Variants in SPTBN4 observed in about 807,000 individuals in gnomAD.
The protein encoded by SPTBN4 is spectrin beta chain, non-erythrocytic 4.
SPTBN4 carries 96 observed loss-of-function variants against 277.8 expected under a neutral mutation model. The ratio of observed to expected loss-of-function variants is 0.35; its 90% CI spans 0.29 to 0.41. The LOEUF is 0.41. SPTBN4 is among the 10% of genes least tolerant of loss of function. The pLI, the probability that SPTBN4 is intolerant of heterozygous loss-of-function variation, is 1.00. For missense variants in SPTBN4, 3,006 were observed against 3,595.7 expected, an observed-to-expected ratio of 0.84 and a Z score of 4.19; for synonymous variants, 1,481 against 1,580.3, an observed-to-expected ratio of 0.94 and a Z score of 1.49.
At chr19:40,546,307 A>G (rs1263737695) in intron 20 of SPTBN4, among the ~76,000 whole-genome samples, 1 of 151,970 alleles carries the variant, frequency 6.6e-6, no homozygotes, top group Non-Finnish European at 1.5e-5. Flanking sequence ...CCAGCTTATT[A>G]ATAAGACTGA....
chr19:40,575,457 A>AAC lies in SPTBN4; in HGVS notation c.7586_7587dup (p.Ala2530ThrfsTer76). On this transcript the variant is annotated frameshift_variant, in exon 36 of 36. Transcript: ENST00000598249. LOFTEE classifies it high-confidence loss of function. Reference sequence around the variant, plus strand: ...GAGGCTGTAGCTTCCTCGGTGGCGGAACACGCAGAGATCGCCCGCTGGGGC... The same window carrying AAC: ...GAGGCTGTAGCTTCCTCGGTGGCGGAACACACGCAGAGATCGCCCGCTGGGGC... 1 of 1,613,286 alleles carries AAC rather than the reference A, an allele frequency of 6.2e-7. No individual in the cohort carries two copies. Among genetic ancestry groups the AAC allele is most frequent in the Non-Finnish European group, 8.5e-7 (1 of 1,179,828 alleles).
chr19:40,471,967 A>C (rs1160462923), intron 1 of SPTBN4, among the ~76,000 whole-genome samples: 2 of 143,216 alleles, frequency 1.4e-5, no homozygotes, highest in Admixed American at 1.4e-4. Flanking sequence ...CTGGAGTGCA[A>C]TGGCATGATC....
At chr19:40,538,548 C>A (rs977034454) in intron 20 of SPTBN4, among the ~76,000 whole-genome samples, 1 of 152,186 alleles carries the variant, frequency 6.6e-6, no homozygotes, top group Admixed American at 6.5e-5. Flanking sequence ...TGCAGTGACA[C>A]AGGGCTCCAT....
chr19:40,473,420 C>G (rs960461507), intron 2 of SPTBN4, among the ~76,000 whole-genome samples: 9 of 137,472 alleles, frequency 6.5e-5, no homozygotes, highest in Admixed American at 5.6e-4. Context: ...TGCAGTGGCG[C>G]GATCTCGGCT....
chr19:40,489,754 T>C (rs932841867), intron 3 of SPTBN4, among the ~76,000 whole-genome samples: 3 of 150,360 alleles, frequency 2.0e-5, no homozygotes, highest in African/African-American at 7.5e-5. Flanking sequence ...GCTGAGACTA[T>C]GGGCTAGGAG....
chr19:40,484,282 T>C (rs2080044541), intron 2 of SPTBN4, among the ~76,000 whole-genome samples: 1 of 152,190 alleles, frequency 6.6e-6, no homozygotes, highest in South Asian at 2.1e-4. Flanking sequence ...AGATTTCAAA[T>C]GGTTGAAGGA....
chr19:40,558,943 T>TGA (rs1175216524), intron 26 of SPTBN4, among the ~76,000 whole-genome samples: 14 of 145,822 alleles, frequency 9.6e-5, no homozygotes, highest in African/African-American at 3.5e-4. Context: ...ATTATTATTA[T>TGA]TATTATGAGG....
At chr19:40,547,126 C>T (rs1205304272) in intron 20 of SPTBN4, among the ~76,000 whole-genome samples, 1 of 151,808 alleles carries the variant, frequency 6.6e-6, no homozygotes, top group Admixed American at 6.6e-5. Context: ...GTGTGCTGCA[C>T]CCATTAACTC....
chr19:40,481,117 A>G (rs2080005903), intron 2 of SPTBN4, among the ~76,000 whole-genome samples: 1 of 152,198 alleles, frequency 6.6e-6, no homozygotes, highest in South Asian at 2.1e-4. Context: ...TCTAGTACAC[A>G]TATTTGGTGG....
At chr19:40,475,609 G>A (rs1034521673) in intron 2 of SPTBN4, among the ~76,000 whole-genome samples, 2 of 151,842 alleles carry the variant, frequency 1.3e-5, no homozygotes, top group African/African-American at 2.4e-5. Flanking sequence ...CTACAGGCCC[G>A]CACCACCATG....
Position 40,506,292 on chromosome 19 carries a change from GC to G in SPTBN4, c.1723del (p.Gln575ArgfsTer45). On this transcript the variant is annotated frameshift_variant, in exon 13 of 36. Transcript: ENST00000598249. LOFTEE classifies it high-confidence loss of function. ...QHLVEADDLL[Q>X]KHGLLEGDIA... ...ACCTGGTGGAGGCAGACGACCTGTT[GC>G]AGAAGCATGGACTGCTGGAGGGAGA... 1 of 1,614,038 alleles carries G rather than the reference GC, an allele frequency of 6.2e-7. No individual in the cohort carries two copies. Among genetic ancestry groups the G allele is most frequent in the Non-Finnish European group, 8.5e-7 (1 of 1,179,888 alleles).
intron 20 of SPTBN4, among the ~76,000 whole-genome samples, chr19:40,536,742 G>A (rs1041005037): frequency 2.6e-5 from 4 of 152,152 alleles, no homozygotes; most frequent in Admixed American, 2.6e-4. Context: ...GAGCCTAGGA[G>A]TTTGAGACTA....
In SPTBN4 at chr19:40,560,830, G is replaced by C; in HGVS notation, c.5915+427G>C. 1 of 872,482 alleles carries C rather than the reference G, an allele frequency of 1.1e-6. No homozygotes were observed. The highest frequency in any genetic ancestry group is 1.4e-6 in the Non-Finnish European group (1 of 699,164). 54.0% of individuals were successfully genotyped at this position (872,482 alleles called of 1,614,324 possible). A position where few individuals can be genotyped will look rare whatever the true frequency, so the allele number is the denominator to read the frequency against. On this transcript the variant is annotated intron_variant, in intron 27 of 35. Coordinates refer to ENST00000598249, the MANE Select transcript of SPTBN4 (RefSeq NM_020971.3). This position sits in a 1 kb window ranked among gnomAD's most constrained non-coding sequence, Gnocchi z 5.2. ...GGATGTGAGTGTCCAGCAGAATCCT[G>C]TCCCCTGGTGATTGGGAGCCAGGGT... is the stretch of plus-strand genomic sequence containing the variant.
At chr19:40,487,661 G>C in intron 2 of SPTBN4, 36 bp from the exon 3 acceptor site, 1 of 1,582,400 alleles carries the variant, frequency 6.3e-7, no homozygotes, top group Non-Finnish European at 8.6e-7. Context: ...GGTGAAGGTG[G>C]AAGCGCCTGG....
At position 40,513,157 on chromosome 19, in the gene SPTBN4, C is replaced by T. The variant is rs528402109; in HGVS notation, c.2368C>T (p.Arg790Cys). 6.7e-7 allele frequency: 1 copy of T among 1,499,802 alleles called. No homozygotes were observed. The highest frequency in any genetic ancestry group is 8.8e-7 in the Non-Finnish European group (1 of 1,133,214). The allele number at this position is 1,499,802 out of a possible 1,614,324, so 92.9% of individuals were successfully genotyped here. The change falls in exon 14 of 36, where the codon CGC becomes TGC. Residue 790 changes from arginine (R) to cysteine (C), a missense_variant. By Grantham distance (180) the Arg-to-Cys change is radical. This residue lies in a region of SPTBN4 where 1,759 missense variants were observed against 2,061.5 expected (regional missense o/e 0.85). Coordinates refer to ENST00000598249, the MANE Select transcript of SPTBN4 (RefSeq NM_020971.3). The part of the protein sequence containing the change: ...ADLDGLLDWL[R>C]DAYRLAAAGD... ...CCTCGACGGGCTGCTGGACTGGCTT[C>T]GCGACGCTTACCGCCTGGCAGCCGC...
intron 27 of SPTBN4, among the ~76,000 whole-genome samples, chr19:40,563,572 T>C (rs1210088690): frequency 6.6e-6 from 1 of 151,790 alleles, no homozygotes; most frequent in Non-Finnish European, 1.5e-5. Flanking sequence ...CAACAGGTAG[T>C]CAATATTAAA....
chr19:40,482,364 C>A (rs942968144), intron 2 of SPTBN4, among the ~76,000 whole-genome samples: 1 of 152,138 alleles, frequency 6.6e-6, no homozygotes. Flanking sequence ...AGCCACCATG[C>A]CTGGCCTGAT....
chr19:40,522,544 G>C (rs1385940886), intron 16 of SPTBN4, among the ~76,000 whole-genome samples: 2 of 142,856 alleles, frequency 1.4e-5, no homozygotes, highest in African/African-American at 5.2e-5. Flanking sequence ...GTAGAGATGA[G>C]GTTCACCATG....
chr19:40,502,970 C>T lies in SPTBN4; in HGVS notation c.1362+37C>T, dbSNP rs192069978. Reference sequence around the variant, plus strand: ...AGGGCTTGGCTCCAGGGTAAAGGGACGGAGGGCGGGGCTGATGGTCCTGGG... The same window carrying T: ...AGGGCTTGGCTCCAGGGTAAAGGGATGGAGGGCGGGGCTGATGGTCCTGGG... On this transcript the variant is annotated intron_variant, in intron 11 of 35. Coordinates refer to ENST00000598249, the MANE Select transcript of SPTBN4 (RefSeq NM_020971.3). This position sits in a 1 kb window ranked among gnomAD's most constrained non-coding sequence, Gnocchi z 4.9. 4.3e-4 allele frequency: 691 copies of T among 1,603,030 alleles called. 4 individuals carry two copies. In the African/African-American group the frequency reaches 7.5e-3, roughly 17 times the overall value.
Sources: allele counts gnomAD v4.1 joint callset (sites outside exome capture counted in the v4.1 genomes callset), GRCh38; gene constraint gnomAD v4.1.1; regional missense constraint gnomAD v4.1.1; non-coding constraint Gnocchi (gnomAD v3.1); transcripts MANE v1.5; gene names NCBI Gene and HGNC (gene_info 2026-07-23, HGNC 2026-07-21).